ASCC3: variants seen among roughly 807,000 people sequenced by gnomAD.
The protein encoded by ASCC3 is ASC-1 complex subunit P200.
In ASCC3, 158 loss-of-function variants were observed where a neutral mutation model predicts 256.3. The observed-to-expected ratio is 0.62, with a 90% CI of 0.54 to 0.70. ASCC3 has a LOEUF of 0.70. Among genes scored for constraint, ASCC3 ranks in the 30% least tolerant of loss-of-function variants. The pLI is 0.00. For synonymous variants in ASCC3, 948 were observed against 883.4 expected, an observed-to-expected ratio of 1.07 and a Z score of -1.30; for missense variants, 2,259 against 2,626.0, an observed-to-expected ratio of 0.86 and a Z score of 3.05.
chr6:100,535,928 T>C (rs941809620), intron 37 of ASCC3, among the ~76,000 whole-genome samples: 3 of 152,214 alleles, frequency 2.0e-5, no homozygotes, highest in African/African-American at 4.8e-5. Flanking sequence ...AAATAAATTA[T>C]GATATTTTAT....
At chr6:100,722,895 T>C (rs1349859553) in intron 11 of ASCC3, among the ~76,000 whole-genome samples, 1 of 151,826 alleles carries the variant, frequency 6.6e-6, no homozygotes, top group Non-Finnish European at 1.5e-5. Context: ...AAATATACTA[T>C]AATTCATTAA....
At chr6:100,816,921 T>C (rs1440530861) in intron 4 of ASCC3, among the ~76,000 whole-genome samples, 2 of 151,136 alleles carry the variant, frequency 1.3e-5, no homozygotes, top group Non-Finnish European at 3.0e-5. Flanking sequence ...TTAAGAAATA[T>C]AAAAAAAGTT....
intron 36 of ASCC3, among the ~76,000 whole-genome samples, chr6:100,542,514 C>G (rs773369915): frequency 2.6e-5 from 4 of 152,028 alleles, no homozygotes; most frequent in Non-Finnish European, 5.9e-5. Context: ...AACCTCATCT[C>G]TACTAAAAAT....
chr6:100,721,494 C>A (rs902564500), intron 11 of ASCC3, among the ~76,000 whole-genome samples: 1 of 151,680 alleles, frequency 6.6e-6, no homozygotes, highest in African/African-American at 2.4e-5. Flanking sequence ...GGCCAGAGCA[C>A]ATGCCTTGTA....
At chr6:100,831,250 C>T (rs146855693) in intron 4 of ASCC3, among the ~76,000 whole-genome samples, 1 of 151,144 alleles carries the variant, frequency 6.6e-6, no homozygotes, top group East Asian at 1.9e-4. Flanking sequence ...AGGATGCCTG[C>T]TGAGAGAACT....
chr6:100,627,932 T>C lies in ASCC3; in HGVS notation c.4431A>G (p.Ser1477=), dbSNP rs1325643130. The C allele has an allele frequency of 6.2e-7, 1 of 1,612,346 alleles. No homozygotes were observed. Among genetic ancestry groups the C allele is most frequent in the Non-Finnish European group, 8.5e-7 (1 of 1,178,698 alleles). ...EVIVSRTNFI[S]SHTEKPVRIV... ...TTCTAACAGGCTTTTCTGTGTGTGA[T>C]GAGATAAAATTTGTTCGAGATACAA... The change falls in exon 28 of 42, where the codon TCA becomes TCG. Residue 1477 remains serine, a synonymous_variant. Transcript: ENST00000369162.
intron 3 of ASCC3, among the ~76,000 whole-genome samples, chr6:100,860,275 G>A (rs926423294): frequency 6.6e-6 from 1 of 151,770 alleles, no homozygotes; most frequent in Non-Finnish European, 1.5e-5. Flanking sequence ...TGCCTACAAT[G>A]AGTATTTGAA....
chr6:100,819,887 T>A (rs1328975077), intron 4 of ASCC3, among the ~76,000 whole-genome samples: 1 of 150,494 alleles, frequency 6.6e-6, no homozygotes, highest in Non-Finnish European at 1.5e-5. Context: ...AAGTTTACAC[T>A]CAATATTAAC....
At chr6:100,797,875 G>A (rs1334954412) in intron 8 of ASCC3, among the ~76,000 whole-genome samples, 2 of 152,148 alleles carry the variant, frequency 1.3e-5, no homozygotes, top group African/African-American at 4.8e-5. Context: ...GTGATAAACT[G>A]ATGCTGCAGA....
At chr6:100,625,153 G>C (rs1774161824) in intron 30 of ASCC3, 39 bp downstream of exon 30, 1 of 1,607,694 alleles carries the variant, frequency 6.2e-7, no homozygotes, top group East Asian at 2.2e-5. Flanking sequence ...AATACAACCT[G>C]AAACGTGTAA....
At chr6:100,676,029 ACTG>A (rs1395040273) in intron 14 of ASCC3, among the ~76,000 whole-genome samples, 1 of 152,152 alleles carries the variant, frequency 6.6e-6, no homozygotes, top group Non-Finnish European at 1.5e-5. Context: ...ATAAATATAA[ACTG>A]CTGCTATTCC....
At chr6:100,652,183 C>T (rs188103639) in intron 18 of ASCC3, among the ~76,000 whole-genome samples, 2 of 151,968 alleles carry the variant, frequency 1.3e-5, no homozygotes, top group Admixed American at 1.3e-4. Flanking sequence ...TGCAAAAGAA[C>T]AGCAAACAGG....
chr6:100,617,284 A>T (rs1183641266), intron 30 of ASCC3, among the ~76,000 whole-genome samples: 1 of 152,128 alleles, frequency 6.6e-6, no homozygotes, highest in Non-Finnish European at 1.5e-5. Flanking sequence ...CTGGGATTAC[A>T]GGCGTGAGCC....
chr6:100,767,347 TAA>T lies in ASCC3; in HGVS notation c.1396-4_1396-3del, dbSNP rs11345864. ...TCCTTTAAAAGCCAGCTGTCCGATC[TAA>T]AAAAAAAAGGCATCACCCATTATAA... On this transcript the variant is annotated splice_region_variant and splice_polypyrimidine_tract_variant and intron_variant, in intron 8 of 41. Coordinates refer to ENST00000369162, the MANE Select transcript of ASCC3 (RefSeq NM_006828.4). 7.9e-5 allele frequency: 125 copies of T among 1,580,396 alleles called. No individual in the cohort carries two copies. The highest frequency in any genetic ancestry group is 3.9e-4 in the Admixed American group (23 of 59,460).
chr6:100,561,144 C>T (rs62422669), intron 36 of ASCC3, among the ~76,000 whole-genome samples: 1 of 150,536 alleles, frequency 6.6e-6, no homozygotes, highest in Non-Finnish European at 1.5e-5. Context: ...AAAAAAAAAC[C>T]ATTGCTTGGT....
intron 37 of ASCC3, among the ~76,000 whole-genome samples, chr6:100,529,524 T>C (rs566154283): frequency 1.1e-4 from 16 of 152,188 alleles, no homozygotes; most frequent in African/African-American, 2.9e-4. Context: ...AGGCAGACCG[T>C]TGAAAAGGGA....
intron 36 of ASCC3, among the ~76,000 whole-genome samples, chr6:100,585,470 T>C (rs531736758): frequency 6.6e-6 from 1 of 152,334 alleles, no homozygotes; most frequent in South Asian, 2.1e-4. Context: ...TTATTCTAGT[T>C]ATACATTCGT....
intron 8 of ASCC3, among the ~76,000 whole-genome samples, chr6:100,792,970 T>G (rs552882457): frequency 6.6e-6 from 1 of 151,992 alleles, no homozygotes; most frequent in African/African-American, 2.4e-5. Flanking sequence ...ATTACCTTTA[T>G]GAAATAAATT....
intron 10 of ASCC3, among the ~76,000 whole-genome samples, chr6:100,729,985 T>C (rs1779824788): frequency 6.6e-6 from 1 of 152,070 alleles, no homozygotes; most frequent in African/African-American, 2.4e-5. Flanking sequence ...AGCTATACCA[T>C]ATTTTATTGT....
Sources: allele counts gnomAD v4.1 joint callset (sites outside exome capture counted in the v4.1 genomes callset), GRCh38; gene constraint gnomAD v4.1.1; transcripts MANE v1.5; gene names NCBI Gene and HGNC (gene_info 2026-07-23, HGNC 2026-07-21).